The following DNAH17 variants were observed in gnomAD, a reference collection of about 807,000 sequenced individuals.
The protein encoded by DNAH17 is axonemal beta dynein heavy chain 17.
DNAH17 carries 376 observed loss-of-function variants against 485.6 expected under a neutral mutation model. That is an observed-to-expected ratio of 0.77 (90% CI 0.71 to 0.84). The LOEUF (loss-of-function observed/expected upper bound fraction) is 0.84, where lower values mean the gene tolerates loss of function less well. DNAH17 is among the 40% of genes least tolerant of loss of function. DNAH17 has a pLI of 0.00. For missense variants in DNAH17, 6,370 were observed against 5,839.3 expected (o/e 1.09, Z -2.96); for synonymous variants, 3,031 against 2,405.9 (o/e 1.26, Z -7.60).
chr17:78,436,390 T>C (rs548777067), intron 74 of DNAH17, among the ~76,000 whole-genome samples: 75 of 152,174 alleles, frequency 4.9e-4, no homozygotes, highest in Non-Finnish European at 5.9e-4. Context: ...GTTGTGCCCT[T>C]GCACTCCAGC....
At position 78,475,323 on chromosome 17, in the gene DNAH17, C is replaced by A. The variant is rs776383225; in HGVS notation, c.8466G>T (p.Val2822=). 1.9e-6 allele frequency: 3 copies of A among 1,613,892 alleles called. No homozygotes were observed. The highest frequency in any genetic ancestry group is 2.7e-5 in the African/African-American group (2 of 74,926). Residue 2822 remains valine (V), a synonymous_variant, in exon 54 of 81, where the codon GTG becomes GTT. Transcript: ENST00000389840. ...AGCCCTTCTTGAGGGTGATCTGAAACACGTCAAGCCCGCTGATGTACGCTG... is the reference window on the plus strand; with the variant it reads ...AGCCCTTCTTGAGGGTGATCTGAAAAACGTCAAGCCCGCTGATGTACGCTG... ...RLAAYISGLD[V]FQITLKKGYG...
Position 78,426,560 on chromosome 17 carries a change from G to C in DNAH17, c.12812C>G (p.Thr4271Arg). ...TITTDVEDLS[T>R]ALFYDTVPDT... ...AGGCACGGTGTCATAGAAGAGAGCC[G>C]TGGACAGATCTTCCACGTCGGTCGT... The change falls in exon 79 of 81, where the codon ACG becomes AGG. Residue 4271 changes from threonine to arginine, a missense_variant. Physicochemically the swap from Thr to Arg is moderately conservative, Grantham distance 71. Transcript: ENST00000389840. 6.2e-7 allele frequency: 1 copy of C among 1,613,278 alleles called. No homozygotes were observed. The highest frequency in any genetic ancestry group is 8.5e-7 in the Non-Finnish European group (1 of 1,179,466).
At position 78,530,428 on chromosome 17, in the gene DNAH17, G is replaced by T; in HGVS notation, c.3199C>A (p.Arg1067Ser). ...VFHGWLQCDC[R>S]PFKQALLSTI... ...CTGAGCAGGGCCTGCTTGAAGGGGC[G>T]GCAGTCGCACTGCAGCCAGCCGTGG... Residue 1067 changes from arginine (R) to serine (S), a missense_variant, in exon 21 of 81, where the codon CGC becomes AGC. Transcript: ENST00000389840. 1.9e-6 allele frequency: 3 copies of T among 1,613,620 alleles called. No individual in the cohort carries two copies. The highest frequency in any genetic ancestry group is 2.5e-6 in the Non-Finnish European group (3 of 1,179,766).
chr17:78,503,076 G>A (rs1455240863), intron 31 of DNAH17, 65 bp from the exon 32 acceptor site: 29 of 1,457,378 alleles, frequency 2.0e-5, no homozygotes, highest in Non-Finnish European at 2.6e-5. Context: ...CAATAATTTT[G>A]TTTGTATTTG....
At chr17:78,542,144 CTTTTT>C (rs375269334) in intron 17 of DNAH17, among the ~76,000 whole-genome samples, 2 of 130,974 alleles carry the variant, frequency 1.5e-5, no homozygotes, top group East Asian at 2.3e-4. Context: ...CCCTAAAATA[CTTTTT>C]TTTTTTTTTT....
At position 78,477,477 on chromosome 17, in the gene DNAH17, C is replaced by A. The variant is rs145628718; in HGVS notation, c.7993-744G>T. Among the ~76,000 whole-genome samples, 824 of 152,238 alleles carry A rather than the reference C, an allele frequency of 5.4e-3. 6 individuals are homozygous for A. Among genetic ancestry groups the A allele is most frequent in the African/African-American group, 0.019 (795 of 41,540 alleles). On this transcript the variant is annotated intron_variant, in intron 51 of 80. Coordinates refer to ENST00000389840, the MANE Select transcript of DNAH17 (RefSeq NM_173628.4). ...TACTGCAACCTCTGCCTCCTGGGTT[C>A]AAGTGATTCTCACATCAGCCTCCCG...
chr17:78,511,241 G>A (rs1193812842), intron 26 of DNAH17, among the ~76,000 whole-genome samples: 2 of 152,226 alleles, frequency 1.3e-5, no homozygotes, highest in Admixed American at 6.5e-5. Context: ...CCAAGTAGCT[G>A]GGACTACAGG....
intron 9 of DNAH17, 81 bp downstream of exon 9, chr17:78,569,085 G>T: frequency 1.8e-6 from 2 of 1,101,176 alleles, no homozygotes; most frequent in Non-Finnish European, 2.7e-6. Context: ...GGCAAGGGGG[G>T]TAGGGATGGA....
intron 74 of DNAH17, among the ~76,000 whole-genome samples, chr17:78,435,628 G>A (rs1484813053): frequency 2.0e-5 from 3 of 152,180 alleles, no homozygotes; most frequent in East Asian, 1.9e-4. Flanking sequence ...ACAATAAAAC[G>A]AAACACCAAA....
At chr17:78,499,213 C>G in intron 36 of DNAH17, 101 bp from the exon 37 acceptor site, 1 of 869,118 alleles carries the variant, frequency 1.2e-6, no homozygotes, top group Non-Finnish European at 1.7e-6. Context: ...TTTTCTCTTC[C>G]CAAAGCTTGC....
At chr17:78,426,665 T>C (rs749765001) in intron 78 of DNAH17, 65 bp from the exon 79 acceptor site, 1 of 1,532,448 alleles carries the variant, frequency 6.5e-7, no homozygotes, top group African/African-American at 1.4e-5. Context: ...CCAGCCCCAG[T>C]GCGTGTCATG....
In DNAH17 at chr17:78,428,527, T is replaced by G; in HGVS notation, c.12586A>C (p.Lys4196Gln). ...GGGAGCAGTTTCAAAGATCCTGCCT[T>G]CTCCTCGCGGGACACTCCCGTGCCT... Reference protein sequence around the residue: ...GAGTGVSREEKVKAVLDDILE... With the variant: ...GAGTGVSREEQVKAVLDDILE... Residue 4196 changes from lysine to glutamine, a missense_variant and splice_region_variant, in exon 77 of 81, where the codon AAG becomes CAG. Coordinates refer to ENST00000389840, the MANE Select transcript of DNAH17 (RefSeq NM_173628.4). The G allele has an allele frequency of 6.2e-7, 1 of 1,600,660 alleles. No individual in the cohort carries two copies. The highest frequency in any genetic ancestry group is 8.5e-7 in the Non-Finnish European group (1 of 1,173,822).
At chr17:78,521,410 GA>G in intron 25 of DNAH17, among the ~76,000 whole-genome samples, 1 of 151,790 alleles carries the variant, frequency 6.6e-6, no homozygotes, top group East Asian at 1.9e-4. Flanking sequence ...CCATCTCAAA[GA>G]AAAAAAGAAT....
intron 75 of DNAH17, among the ~76,000 whole-genome samples, chr17:78,429,902 G>A (rs986725870): frequency 4.6e-5 from 7 of 152,118 alleles, no homozygotes; most frequent in Admixed American, 3.3e-4. Flanking sequence ...GTGCCTCCAG[G>A]GTCTTTGCAG....
chr17:78,431,455 A>T (rs114760442), intron 75 of DNAH17, among the ~76,000 whole-genome samples: 3 of 146,808 alleles, frequency 2.0e-5, no homozygotes, highest in South Asian at 4.3e-4. Flanking sequence ...GGAACCCCCC[A>T]CCCCGAGACT....
Position 78,526,945 on chromosome 17 carries a change from GC to G in DNAH17, c.3558del (p.Lys1186AsnfsTer2). On this transcript the variant is annotated frameshift_variant, in exon 23 of 81. Coordinates refer to ENST00000389840, the MANE Select transcript of DNAH17 (RefSeq NM_173628.4). LOFTEE classifies it high-confidence loss of function. ...ANTKKLAIQV[K>X]LTVAPLQANE... Reference sequence around the variant, plus strand: ...TTGGCCTGGAGTGGTGCCACGGTCAGCTTCACCTGAATGGCCAGTTTCTTGG... The same window carrying G: ...TTGGCCTGGAGTGGTGCCACGGTCAGTTCACCTGAATGGCCAGTTTCTTGG... The G allele has an allele frequency of 6.3e-7, 1 of 1,589,004 alleles. No individual in the cohort carries two copies. Among genetic ancestry groups the G allele is most frequent in the East Asian group, 2.3e-5 (1 of 43,832 alleles).
At chr17:78,458,913 G>T in intron 61 of DNAH17, 88 bp downstream of exon 61, 2 of 1,426,560 alleles carry the variant, frequency 1.4e-6, no homozygotes, top group Non-Finnish European at 2.0e-6. Context: ...GGCGGGCCGT[G>T]CCAACCCATT....
At chr17:78,428,262 G>A (rs1172004093) in intron 77 of DNAH17, 9 of 515,850 alleles carry the variant, frequency 1.7e-5, no homozygotes, top group Non-Finnish European at 3.2e-5. Flanking sequence ...GGGCTGGGAT[G>A]CTCTTGGAGC....
chr17:78,546,966 G>A (rs1437908428), intron 16 of DNAH17, among the ~76,000 whole-genome samples: 16 of 152,062 alleles, frequency 1.1e-4, no homozygotes, highest in Admixed American at 1.0e-3. Context: ...TTCAGGATAT[G>A]GTTAACTTCC....
Sources: gnomAD v4.1 joint callset for allele counts (sites outside exome capture counted in the v4.1 genomes callset) on GRCh38, gnomAD v4.1.1 for gene constraint, MANE v1.5 for transcripts, NCBI Gene and HGNC (gene_info 2026-07-23, HGNC 2026-07-21) for gene names.